Variants in H2BC18 observed in about 807,000 individuals in gnomAD.
The protein encoded by H2BC18 is histone H2B type 2-F.
In H2BC18, 8 loss-of-function variants were observed where a neutral mutation model predicts 6.3. That is an observed-to-expected ratio of 1.28 (90% CI 0.75 to 2.31). The LOEUF (loss-of-function observed/expected upper bound fraction) is 2.31, where lower values mean the gene tolerates loss of function less well. Ranked by LOEUF, H2BC18 falls within the 30% of genes most tolerant of loss-of-function variation. The pLI, the probability that H2BC18 is intolerant of heterozygous loss-of-function variation, is 0.00. For synonymous variants in H2BC18, 104 were observed against 78.1 expected (o/e 1.33, Z -1.75); for missense variants, 106 against 174.5 (o/e 0.61, Z 2.21).
At chr1:149,811,754 T>C (rs1453476616), downstream of H2BC18, 3 of 674,772 alleles carry the variant, frequency 4.4e-6, no homozygotes, top group Non-Finnish European at 7.6e-6. Context: ...GGCCAACTCA[T>C]TACAGGACTA....
At chr1:149,811,767 G>A, downstream of H2BC18, 1 of 679,638 alleles carries the variant, frequency 1.5e-6, no homozygotes, top group Non-Finnish European at 2.5e-6. Context: ...CAGGACTACA[G>A]GAAACTCCTT....
chr1:149,811,618 G>T, downstream of H2BC18: 1 of 402,056 alleles, frequency 2.5e-6, no homozygotes, highest in Non-Finnish European at 4.6e-6. Context: ...AAGGCCGAAG[G>T]GGTGTAGAAC....
chr1:149,807,121 G>A (rs1427480010), downstream of H2BC18, among the ~76,000 whole-genome samples: 1 of 152,168 alleles, frequency 6.6e-6, no homozygotes, highest in Non-Finnish European at 1.5e-5. Context: ...GTGGTGAGAT[G>A]TGGTTGGATG....
At chr1:149,786,967 T>G (rs1457152352) in intron 1 of H2BC18, 3 of 152,236 alleles carry the variant, frequency 2.0e-5, no homozygotes, top group African/African-American at 4.8e-5. Flanking sequence ...ATGAATTTTC[T>G]TTCTAAAGTA....
chr1:149,811,903 T>C lies in H2BC18; in HGVS notation c.*40A>G. On this transcript the variant is annotated 3_prime_UTR_variant, in exon 1 of 1. Coordinates refer to ENST00000369167, the MANE Select transcript of H2BC18 (RefSeq NM_001024599.5). ...CTGAAGTGGCTCTGAAAAGAGCCTTTGGGGTTAGGTGGTTGATCTATTGCG... is the reference window on the plus strand; with the variant it reads ...CTGAAGTGGCTCTGAAAAGAGCCTTCGGGGTTAGGTGGTTGATCTATTGCG... 3 of 1,548,866 alleles carry C rather than the reference T, an allele frequency of 1.9e-6. No homozygotes were observed. The highest frequency in any genetic ancestry group is 2.2e-5 in the South Asian group (2 of 89,498).
intron 1 of H2BC18, among the ~76,000 whole-genome samples, chr1:149,785,150 C>G (rs2091507221): frequency 6.6e-6 from 1 of 152,154 alleles, no homozygotes; most frequent in African/African-American, 2.4e-5. Flanking sequence ...ATATGCAAGA[C>G]AAAATAACCA....
In H2BC18 at chr1:149,788,816, G is replaced by A. The variant is rs1291206084; in HGVS notation, c.378-5556C>T. On this transcript the variant is annotated intron_variant, in intron 1 of 1. Coordinates refer to the H2BC18 transcript ENST00000545683. ...GGGTCCTAGTCCAATACTCTTTCCA[G>A]TGTACCGCAACCCCCATCAACAATC... Among the ~76,000 whole-genome samples the A allele has an allele frequency of 7.9e-5, 12 of 152,272 alleles. No individual in the cohort carries two copies. In the South Asian group the frequency reaches 1.5e-3, roughly 18 times the overall value.
intron 1 of H2BC18, chr1:149,791,578 C>T (rs1325762267): frequency 4.4e-6 from 7 of 1,599,702 alleles, no homozygotes; most frequent in Non-Finnish European, 4.3e-6. Context: ...TCCCCGTGAG[C>T]ACTGCGTACA....
chr1:149,789,952 T>A, intron 1 of H2BC18: 1 of 1,607,188 alleles, frequency 6.2e-7, no homozygotes, highest in Non-Finnish European at 8.5e-7. Flanking sequence ...ATGGATGCAT[T>A]TTCTAGGGCC....
chr1:149,788,671 CATAA>C (rs1553751249), intron 1 of H2BC18: 1 of 1,577,988 alleles, frequency 6.3e-7, no homozygotes, highest in African/African-American at 1.4e-5. Context: ...GAGGGACCAT[CATAA>C]ATATTCTAAA....
At chr1:149,805,664 T>G (rs2091910502) in intron 1 of H2BC18, 1 of 152,184 alleles carries the variant, frequency 6.6e-6, no homozygotes, top group South Asian at 2.1e-4. Context: ...CTCAGTTACT[T>G]CTGTTTCTTG....
chr1:149,797,605 G>A (rs1301706853), intron 1 of H2BC18, among the ~76,000 whole-genome samples: 16 of 152,060 alleles, frequency 1.1e-4, no homozygotes, highest in Non-Finnish European at 2.1e-4. Flanking sequence ...CTTTGTTAGC[G>A]TTTGAGTTAA....
At chr1:149,791,104 T>C in intron 1 of H2BC18, 5 of 1,157,928 alleles carry the variant, frequency 4.3e-6, no homozygotes, top group Non-Finnish European at 2.4e-6. Context: ...TCCTTCCTGC[T>C]CCCTGAAATG....
chr1:149,791,438 A>G, intron 1 of H2BC18: 1 of 1,607,084 alleles, frequency 6.2e-7, no homozygotes, highest in Non-Finnish European at 8.5e-7. Flanking sequence ...CATTTAGAAG[A>G]AGAGCTGAAA....
rs782679131 is a variant in H2BC18, at chr1:149,788,655, C to A, written c.378-5395G>T. On this transcript the variant is annotated intron_variant, in intron 1 of 1. Coordinates refer to the H2BC18 transcript ENST00000545683. Reference sequence around the variant, plus strand: ...AATAGTCATAGAACTGATAGTCCCTCCCCCTGAGGGACCATCATAAATATT... The same window carrying A: ...AATAGTCATAGAACTGATAGTCCCTACCCCTGAGGGACCATCATAAATATT... The A allele has an allele frequency of 1.1e-5, 17 of 1,612,496 alleles. No homozygotes were observed. In the East Asian group the frequency reaches 3.8e-4, roughly 36 times the overall value.
At chr1:149,811,788 C>T, downstream of H2BC18, 1 of 685,392 alleles carries the variant, frequency 1.5e-6, no homozygotes, top group Non-Finnish European at 2.5e-6. Context: ...AGTCCTAAAC[C>T]CGAATGCATC....
At chr1:149,809,008 A>G (rs1328275388), downstream of H2BC18, among the ~76,000 whole-genome samples, 2 of 143,586 alleles carry the variant, frequency 1.4e-5, no homozygotes, top group Non-Finnish European at 1.5e-5. Context: ...AAATTATGAC[A>G]TGAGATTAAA....
At chr1:149,810,743 T>C (rs1391803475), downstream of H2BC18, 3 of 152,184 alleles carry the variant, frequency 2.0e-5, no homozygotes, top group Admixed American at 2.0e-4. Flanking sequence ...TTGTTTCCTT[T>C]CTCAGGACAT....
chr1:149,802,668 G>A (rs1271018821), intron 1 of H2BC18, among the ~76,000 whole-genome samples: 1 of 152,174 alleles, frequency 6.6e-6, no homozygotes, highest in Admixed American at 6.5e-5. Context: ...AGCCAGTAGT[G>A]GTTCAGTCTG....
Sources: gnomAD v4.1 joint callset for allele counts (sites outside exome capture counted in the v4.1 genomes callset) on GRCh38, gnomAD v4.1.1 for gene constraint, MANE v1.5 for transcripts, NCBI Gene and HGNC (gene_info 2026-07-23, HGNC 2026-07-21) for gene names.